Variants in SCARF2 observed in about 807,000 individuals in gnomAD.
SCARF2 encodes the protein scavenger receptor expressed by endothelial cells 2 protein.
Under a neutral mutation model 73.4 loss-of-function variants are expected in SCARF2, and 39 were observed. The observed-to-expected ratio is 0.53, with a 90% confidence interval of 0.41 to 0.69. SCARF2 has a LOEUF of 0.69. Ranked by LOEUF, SCARF2 falls within the 30% of genes least tolerant of loss-of-function variation. The probability of loss-of-function intolerance (pLI) is 0.00; values close to 1 mark genes in which losing one functional copy is unlikely to be tolerated. For synonymous variants in SCARF2, 605 were observed against 590.0 expected, an observed-to-expected ratio of 1.03 and a Z score of -0.37; for missense variants, 1,148 against 1,303.5, an observed-to-expected ratio of 0.88 and a Z score of 1.84.
intron 5 of SCARF2, 59 bp from the exon 6 acceptor site, chr22:20,430,616 C>T: frequency 6.2e-7 from 1 of 1,608,924 alleles, no homozygotes; most frequent in South Asian, 1.1e-5. Flanking sequence ...ACAGCGCCCT[C>T]GACATTGGGG....
intron 1 of SCARF2, among the ~76,000 whole-genome samples, chr22:20,435,353 G>A (rs2052689090): frequency 6.6e-6 from 1 of 152,166 alleles, no homozygotes; most frequent in Non-Finnish European, 1.5e-5. Context: ...CCATCTCCCT[G>A]GCTTTTTGTA....
In SCARF2 at chr22:20,431,200, C is replaced by G; in HGVS notation, c.672G>C (p.Gln224His). The G allele has an allele frequency of 6.4e-7, 1 of 1,561,790 alleles. No homozygotes were observed. Among genetic ancestry groups the G allele is most frequent in the Non-Finnish European group, 8.6e-7 (1 of 1,162,302 alleles). ...QCACNSSPCE[Q>H]QSGRCQCRER... The stretch of plus-strand genomic sequence containing the variant: ...CGCGGCACTGACAGCGGCCGCTCTG[C>G]TGCTCGCAGGGAGACGAGTTGCAGG... The change falls in exon 4 of 11, where the codon CAG becomes CAC. Residue 224 changes from glutamine (Q) to histidine (H), a missense_variant. Gln to His is a conservative substitution (Grantham distance 24). This residue lies in a region of SCARF2 where 372 missense variants were observed against 532.0 expected (regional missense o/e 0.70). Coordinates refer to ENST00000622235, the MANE Select transcript of SCARF2 (RefSeq NM_182895.5).
In SCARF2 at chr22:20,425,358, G is replaced by C. The variant is rs975606326; in HGVS notation, c.*17C>G. ...CTGCGAAGCTGAGGGAGCTGCGCGC[G>C]GACGAGCCACAGCCTGCTACAGGGT... On this transcript the variant is annotated 3_prime_UTR_variant, in exon 11 of 11. Coordinates refer to ENST00000622235, the MANE Select transcript of SCARF2 (RefSeq NM_182895.5). This position sits in a 1 kb window ranked among gnomAD's most constrained non-coding sequence, Gnocchi z 4.6. The C allele has an allele frequency of 7.2e-7, 1 of 1,383,816 alleles. No homozygotes were observed. Among genetic ancestry groups the C allele is most frequent in the Non-Finnish European group, 9.4e-7 (1 of 1,063,002 alleles). The allele number at this position is 1,383,816 out of a possible 1,614,324, so 85.7% of individuals were successfully genotyped here.
At chr22:20,430,967 G>T (rs775007298) in intron 4 of SCARF2, 51 bp downstream of exon 4, 6 of 1,563,496 alleles carry the variant, frequency 3.8e-6, no homozygotes, top group Non-Finnish European at 4.3e-6. Context: ...TGTCCCCATC[G>T]GCGGCCCGCC....
In SCARF2 at chr22:20,431,852, G is replaced by A. The variant is rs113780175; in HGVS notation, c.233-6C>T. ...GGAGTTGCCTTCGCACACCGCTGTG[G>A]ACGAGACAGGCCAGAGCTGCTGCGC... On this transcript the variant is annotated splice_polypyrimidine_tract_variant and splice_region_variant and intron_variant, in intron 2 of 10. Transcript: ENST00000622235. The A allele has an allele frequency of 6.9e-6, 11 of 1,597,398 alleles. No homozygotes were observed. In the African/African-American group the frequency reaches 8.0e-5, roughly 12 times the overall value.
Position 20,425,390 on chromosome 22 carries a change from G to T in SCARF2, c.2586C>A (p.Gly862=). 1.4e-6 allele frequency: 2 copies of T among 1,419,662 alleles called. No homozygotes were observed. Among genetic ancestry groups the T allele is most frequent in the Non-Finnish European group, 1.8e-6 (2 of 1,083,718 alleles). 87.9% of individuals were successfully genotyped at this position (1,419,662 alleles called of 1,614,324 possible). Residue 862 remains glycine, a synonymous_variant, in exon 11 of 11, where the codon GGC becomes GGA. Transcript: ENST00000622235. The surrounding 1 kb of genome is among the most constrained non-coding windows in gnomAD (Gnocchi z 4.6). ...CCACAGCCTGCTACAGGGTGGGTGC[G>T]CCCGCCCTGCCCAGCTCGCCCGCCG... ...REAAGELGRA[G]APTL
intron 2 of SCARF2, 36 bp downstream of exon 2, chr22:20,431,894 C>T: frequency 1.3e-6 from 2 of 1,597,464 alleles, no homozygotes; most frequent in Non-Finnish European, 8.5e-7. Context: ...GCCCCGCCCC[C>T]TCCCCCGCCC....
At chr22:20,434,910 C>T (rs891600208) in intron 1 of SCARF2, among the ~76,000 whole-genome samples, 2 of 152,178 alleles carry the variant, frequency 1.3e-5, no homozygotes, top group Non-Finnish European at 2.9e-5. Context: ...CCTGCTGCCC[C>T]GCCTGGACAC....
At position 20,426,013 on chromosome 22, in the gene SCARF2, G is replaced by A. The variant is rs1248507202; in HGVS notation, c.1963C>T (p.Pro655Ser). The change falls in exon 11 of 11, where the codon CCG (proline) becomes TCG (serine). Residue 655 changes from proline to serine, a missense_variant. Physicochemically the swap from Pro to Ser is moderately conservative, Grantham distance 74. This residue lies in a region of SCARF2 where 437 missense variants were observed against 433.6 expected (regional missense o/e 1.01). Transcript: ENST00000622235. Reference protein sequence around the residue: ...LSPSPERRKPPPPDPATKPKV... With the variant: ...LSPSPERRKPSPPDPATKPKV... ...GGCTTGGTGGCGGGGTCAGGTGGCG[G>A]CGGTTTCCTGCGCTCGGGCGATGGC... 1.9e-6 allele frequency: 3 copies of A among 1,581,898 alleles called. No homozygotes were observed. The highest frequency in any genetic ancestry group is 1.4e-5 in the African/African-American group (1 of 71,712).
rs1359674566 is a variant in SCARF2 at position 20,425,841 on chromosome 22, C to G, written c.2135G>C (p.Gly712Ala). Residue 712 changes from glycine (G) to alanine (A), a missense_variant, in exon 11 of 11, where the codon GGC (glycine) becomes GCC (alanine). Gly to Ala is a moderately conservative substitution (Grantham distance 60). Around this residue, in one of 5 missense-constraint regions of SCARF2, gnomAD observed 437 missense variants for 433.6 expected, o/e 1.01. Transcript: ENST00000622235. This position sits in a 1 kb window ranked among gnomAD's most constrained non-coding sequence, Gnocchi z 4.6. Reference protein sequence around the residue: ...SDKSAHTVEHGSPRTRDPTPR... With the variant: ...SDKSAHTVEHASPRTRDPTPR... ...CGTTGGGTCGCGGGTCCGGGGGCTG[C>G]CGTGTTCGACCGTATGCGCCGATTT... is the stretch of plus-strand genomic sequence containing the variant. 2 of 1,581,462 alleles carry G rather than the reference C, an allele frequency of 1.3e-6. No homozygotes were observed. The highest frequency in any genetic ancestry group is 1.7e-5 in the Admixed American group (1 of 57,856).
rs151306550 is a variant in SCARF2, at chr22:20,430,184, C to T, written c.1202+245G>A. ...GGTCCCTGGTCCTTCTGTACCAACT[C>T]GGGGTCACCTTAAGAGCCCACTGAC... On this transcript the variant is annotated intron_variant, in intron 6 of 10. Coordinates refer to ENST00000622235, the MANE Select transcript of SCARF2 (RefSeq NM_182895.5). Among the ~76,000 whole-genome samples, 378 of 152,284 alleles carry T rather than the reference C, an allele frequency of 2.5e-3. 2 individuals are homozygous for T. Among genetic ancestry groups the T allele is most frequent in the Non-Finnish European group, 4.7e-3 (321 of 68,004 alleles).
At chr22:20,428,866 G>A (rs1308373353) in intron 9 of SCARF2, among the ~76,000 whole-genome samples, 1 of 152,106 alleles carries the variant, frequency 6.6e-6, no homozygotes, top group Non-Finnish European at 1.5e-5. Context: ...GCACTCCCGT[G>A]GCCACGCATT....
chr22:20,437,739 G>A lies in SCARF2; in HGVS notation c.16C>T (p.Pro6Ser). 4.3e-6 allele frequency: 5 copies of A among 1,174,452 alleles called. No homozygotes were observed. The highest frequency in any genetic ancestry group is 5.2e-6 in the Non-Finnish European group (5 of 955,846). The allele number at this position is 1,174,452 out of a possible 1,614,324, so 72.8% of individuals were successfully genotyped here. A position where few individuals can be genotyped will look rare whatever the true frequency, so the allele number is the denominator to read the frequency against. MEGAG[P>S]RGAGPARRRG... ...CGCCGCGCCGGCCCGGCCCCCCGGGGCCCTGCGCCCTCCATGAGGCGCGGG... is the reference window on the plus strand; with the variant it reads ...CGCCGCGCCGGCCCGGCCCCCCGGGACCCTGCGCCCTCCATGAGGCGCGGG... The change falls in exon 1 of 11, where the codon CCC (proline) becomes TCC (serine). Residue 6 changes from proline to serine, a missense_variant. Physicochemically the swap from Pro to Ser is moderately conservative, Grantham distance 74. Around this residue, in one of 5 missense-constraint regions of SCARF2, gnomAD observed 124 missense variants for 120.4 expected, o/e 1.03. Coordinates refer to ENST00000622235, the MANE Select transcript of SCARF2 (RefSeq NM_182895.5).
chr22:20,425,331 C>G lies in SCARF2; in HGVS notation c.*44G>C. On this transcript the variant is annotated 3_prime_UTR_variant, in exon 11 of 11. Transcript: ENST00000622235. The surrounding 1 kb of genome is among the most constrained non-coding windows in gnomAD (Gnocchi z 4.6). Reference sequence around the variant, plus strand: ...GTGGGAGGTGTGGGGTGGCGGGCGGCGCTGCGAAGCTGAGGGAGCTGCGCG... The same window carrying G: ...GTGGGAGGTGTGGGGTGGCGGGCGGGGCTGCGAAGCTGAGGGAGCTGCGCG... 7.5e-7 allele frequency: 1 copy of G among 1,329,070 alleles called. No homozygotes were observed. Among genetic ancestry groups the G allele is most frequent in the Non-Finnish European group, 9.7e-7 (1 of 1,032,254 alleles). The allele number at this position is 1,329,070 out of a possible 1,614,324, so 82.3% of individuals were successfully genotyped here.
intron 1 of SCARF2, among the ~76,000 whole-genome samples, chr22:20,432,628 G>A (rs1391280533): frequency 6.6e-6 from 1 of 152,182 alleles, no homozygotes; most frequent in East Asian, 1.9e-4. Flanking sequence ...AGGCACATGG[G>A]GAGTCCTCCA....
At chr22:20,434,289 G>A (rs1484244540) in intron 1 of SCARF2, among the ~76,000 whole-genome samples, 1 of 152,104 alleles carries the variant, frequency 6.6e-6, no homozygotes, top group Non-Finnish European at 1.5e-5. Context: ...GTGAAACCCT[G>A]TCTCAAAAAG....
In SCARF2 at chr22:20,430,468, G is replaced by T; in HGVS notation, c.1163C>A (p.Ser388Ter). Residue 388 changes from serine to a stop codon, truncating the protein, a stop_gained, in exon 6 of 11, where the codon TCG becomes TAG. Transcript: ENST00000622235. LOFTEE classifies it high-confidence loss of function. ...DCGSGHCDFQ[S>*]GRCLCSPGVH... ...GCCAGGGCTGCACAGGCAGCGCCCCGACTGGAAGTCGCAGTGTCCGCTGCC... is the reference window on the plus strand; with the variant it reads ...GCCAGGGCTGCACAGGCAGCGCCCCTACTGGAAGTCGCAGTGTCCGCTGCC... 1 of 1,594,770 alleles carries T rather than the reference G, an allele frequency of 6.3e-7. No homozygotes were observed. Among genetic ancestry groups the T allele is most frequent in the Non-Finnish European group, 8.5e-7 (1 of 1,171,668 alleles).
intron 1 of SCARF2, among the ~76,000 whole-genome samples, chr22:20,436,074 G>A (rs556054197): frequency 2.0e-5 from 3 of 152,372 alleles, no homozygotes; most frequent in Non-Finnish European, 4.4e-5. Context: ...AGCCCCATGA[G>A]GGGGTTGTGA....
chr22:20,429,112 C>T lies in SCARF2; in HGVS notation c.1540+113G>A. The T allele has an allele frequency of 7.1e-7, 1 of 1,411,694 alleles. No individual in the cohort carries two copies. The highest frequency in any genetic ancestry group is 1.0e-6 in the Non-Finnish European group (1 of 1,004,198). The allele number at this position is 1,411,694 out of a possible 1,614,324, so 87.4% of individuals were successfully genotyped here. On this transcript the variant is annotated intron_variant, in intron 9 of 10. Transcript: ENST00000622235. This position sits in a 1 kb window ranked among gnomAD's most constrained non-coding sequence, Gnocchi z 5.2. ...ACCTCCTCGCGCCCACGCACATCAA[C>T]ACTCAAGGTCCCCCATTTCCTCACT...
Sources: gnomAD v4.1 joint callset for allele counts (sites outside exome capture counted in the v4.1 genomes callset) on GRCh38, gnomAD v4.1.1 for gene constraint, gnomAD v4.1.1 regional missense constraint, Gnocchi (gnomAD v3.1) non-coding constraint, MANE v1.5 for transcripts, NCBI Gene and HGNC (gene_info 2026-07-23, HGNC 2026-07-21) for gene names.